SP2: variants seen among roughly 807,000 people sequenced by gnomAD.
The protein encoded by SP2 is Sp2 transcription factor, also known as transcription factor Sp2.
A neutral mutation model predicts 50.1 loss-of-function variants in SP2; 9 were observed. That is an observed-to-expected ratio of 0.18 (90% confidence interval 0.11 to 0.31). SP2 has a LOEUF of 0.31. Among genes scored for constraint, SP2 ranks in the 10% least tolerant of loss-of-function variants. The pLI is 1.00. For synonymous variants in SP2, 313 were observed against 326.6 expected, an observed-to-expected ratio of 0.96 and a Z score of 0.45; for missense variants, 581 against 806.5, an observed-to-expected ratio of 0.72 and a Z score of 3.39.
intron 3 of SP2, among the ~76,000 whole-genome samples, chr17:47,919,028 T>C (rs2035328892): frequency 6.6e-6 from 1 of 151,522 alleles, no homozygotes; most frequent in Non-Finnish European, 1.5e-5. Flanking sequence ...CATGCACGCA[T>C]ACACACACAC....
chr17:47,913,100 A>G (rs139079566), intron 1 of SP2, among the ~76,000 whole-genome samples: 2 of 152,030 alleles, frequency 1.3e-5, no homozygotes, highest in African/African-American at 4.8e-5. Context: ...AGCTCAGGCA[A>G]TCTGCCTGCC....
intron 3 of SP2, among the ~76,000 whole-genome samples, chr17:47,918,830 C>T (rs542720993): frequency 1.3e-5 from 2 of 152,310 alleles, no homozygotes; most frequent in South Asian, 4.1e-4. Flanking sequence ...ATCTAGCCCA[C>T]CTGCCTGTTT....
chr17:47,897,946 G>A (rs1436813165), intron 1 of SP2: 5 of 865,022 alleles, frequency 5.8e-6, no homozygotes, highest in Non-Finnish European at 6.9e-6. Flanking sequence ...TCTAATTCTA[G>A]TTCTTCCTCT....
chr17:47,922,623 G>A (rs1003027555), intron 3 of SP2, among the ~76,000 whole-genome samples: 1 of 151,650 alleles, frequency 6.6e-6, no homozygotes, highest in Admixed American at 6.6e-5. Flanking sequence ...GCTCTAAAAT[G>A]TGGCTCTTAA....
At chr17:47,924,789 T>C (rs1598169341) in intron 4 of SP2, 130 bp from the exon 5 acceptor site, 12 of 767,692 alleles carry the variant, frequency 1.6e-5, no homozygotes, top group Non-Finnish European at 2.1e-5. Context: ...TAAAATGATA[T>C]CCAACATACA....
intron 3 of SP2, among the ~76,000 whole-genome samples, chr17:47,920,283 T>G (rs971164014): frequency 5.3e-5 from 8 of 151,352 alleles, no homozygotes; most frequent in Non-Finnish European, 1.0e-4. Context: ...GCCCTGCTAA[T>G]TTTTGAATTT....
intron 1 of SP2, among the ~76,000 whole-genome samples, chr17:47,908,051 G>C (rs933935476): frequency 2.0e-5 from 3 of 152,222 alleles, no homozygotes; most frequent in Non-Finnish European, 2.9e-5. Flanking sequence ...CGCTAGGAAA[G>C]ATACTTGCAA....
Position 47,923,289 on chromosome 17 carries a change from T to C in SP2, c.1372+15T>C, listed in dbSNP as rs1308103529. ...CAACACAGGCGGTGAGGATGGCCCCTGTGGCCAGGGTGTTGGCAGTGGTAC... is the reference window on the plus strand; with the variant it reads ...CAACACAGGCGGTGAGGATGGCCCCCGTGGCCAGGGTGTTGGCAGTGGTAC... On this transcript the variant is annotated intron_variant, in intron 4 of 6. Transcript: ENST00000376741. 1.3e-6 allele frequency: 2 copies of C among 1,589,400 alleles called. No homozygotes were observed. Among genetic ancestry groups the C allele is most frequent in the East Asian group, 4.5e-5 (2 of 44,588 alleles).
intron 1 of SP2, among the ~76,000 whole-genome samples, chr17:47,906,374 G>A (rs751604266): frequency 6.6e-6 from 1 of 152,322 alleles, no homozygotes; most frequent in Admixed American, 6.5e-5. Context: ...GAAGGTGTCC[G>A]TGAGCCATGT....
rs146908495 is a variant in SP2, at chr17:47,920,739, T to A, written c.1060-2223T>A. 3.2e-3 allele frequency among the ~76,000 whole-genome samples: 490 copies of A among 152,202 alleles called. 2 individuals carry two copies. The highest frequency in any genetic ancestry group is 0.011 in the South Asian group (52 of 4,818). On this transcript the variant is annotated intron_variant, in intron 3 of 6. Coordinates refer to ENST00000376741, the MANE Select transcript of SP2 (RefSeq NM_003110.6). ...CCCAGCCTTCAGGTTGGCTCTTATATCCCTCTGACAGGCTCTCATTCTTTT... is the reference window on the plus strand; with the variant it reads ...CCCAGCCTTCAGGTTGGCTCTTATAACCCTCTGACAGGCTCTCATTCTTTT...
At chr17:47,930,302 G>A (rs766661210), downstream of SP2, among the ~76,000 whole-genome samples, 5 of 152,120 alleles carry the variant, frequency 3.3e-5, no homozygotes, top group Non-Finnish European at 2.9e-5. Context: ...TTTTTGCCAC[G>A]TTTCCCTTGG....
At chr17:47,911,467 C>A (rs144717322) in intron 1 of SP2, among the ~76,000 whole-genome samples, 26 of 146,494 alleles carry the variant, frequency 1.8e-4, no homozygotes, top group African/African-American at 6.4e-4. Flanking sequence ...GAACCAAGAT[C>A]ATGCACCCCA....
chr17:47,917,702 T>C (rs2035269756), intron 3 of SP2: 4 of 370,728 alleles, frequency 1.1e-5, no homozygotes, highest in Non-Finnish European at 5.4e-6. Flanking sequence ...ACAGTCTTAA[T>C]CTCCTGGGCT....
At chr17:47,924,259 C>G (rs1470764198) in intron 4 of SP2, among the ~76,000 whole-genome samples, 2 of 152,096 alleles carry the variant, frequency 1.3e-5, no homozygotes, top group Non-Finnish European at 2.9e-5. Context: ...CTTCTTCTTC[C>G]TGAGTAGCTG....
chr17:47,922,951 G>T lies in SP2; in HGVS notation c.1060-11G>T, dbSNP rs374059580. ...TCCAGGCACTGATTTTTTTTCTCTGGCCCCTCCCAGGTCTACATCCGCACG... is the reference window on the plus strand; with the variant it reads ...TCCAGGCACTGATTTTTTTTCTCTGTCCCCTCCCAGGTCTACATCCGCACG... On this transcript the variant is annotated splice_polypyrimidine_tract_variant and intron_variant, in intron 3 of 6. Transcript: ENST00000376741. 11 of 1,588,668 alleles carry T rather than the reference G, an allele frequency of 6.9e-6. No individual in the cohort carries two copies. Among genetic ancestry groups the T allele is most frequent in the South Asian group, 4.5e-5 (4 of 88,336 alleles).
intron 1 of SP2, among the ~76,000 whole-genome samples, chr17:47,907,957 G>A (rs761684916): frequency 6.6e-6 from 1 of 151,934 alleles, no homozygotes; most frequent in Non-Finnish European, 1.5e-5. Context: ...TTTCCTTTTC[G>A]TGGTTAATTC....
intron 1 of SP2, among the ~76,000 whole-genome samples, chr17:47,902,845 TC>T (rs1279917373): frequency 1.3e-5 from 2 of 152,198 alleles, no homozygotes; most frequent in African/African-American, 4.8e-5. Flanking sequence ...AACCTCCACC[TC>T]CCGGGTTCAA....
In SP2 at chr17:47,897,910, C is replaced by T. The variant is rs982279606; in HGVS notation, c.7+1617C>T. The T allele has an allele frequency of 7.2e-6, 7 of 978,002 alleles. 1 individual carries two copies. The South Asian group carries it at 2.4e-4, about 33-fold the overall frequency. The allele number at this position is 978,002 out of a possible 1,614,324, so 60.6% of individuals were successfully genotyped here. A position where few individuals can be genotyped will look rare whatever the true frequency, so the allele number is the denominator to read the frequency against. ...TTAATACCTGTTGGAAATGGATTAT[C>T]ATTGGCTGGGACGATTGGTAAGTTT... On this transcript the variant is annotated intron_variant, in intron 1 of 6. Transcript: ENST00000376741.
At chr17:47,902,800 G>T (rs1487851898) in intron 1 of SP2, among the ~76,000 whole-genome samples, 1 of 152,190 alleles carries the variant, frequency 6.6e-6, no homozygotes, top group African/African-American at 2.4e-5. Context: ...CTGTCACGCA[G>T]GCTGGAGTGC....
Sources: allele counts gnomAD v4.1 joint callset (sites outside exome capture counted in the v4.1 genomes callset), GRCh38; gene constraint gnomAD v4.1.1; transcripts MANE v1.5; gene names NCBI Gene and HGNC (gene_info 2026-07-23, HGNC 2026-07-21).